Variants in POU5F1B observed in about 807,000 individuals in gnomAD.
The protein encoded by POU5F1B is POU domain, class 5, transcription factor 1B.
A neutral mutation model predicts 28.1 loss-of-function variants in POU5F1B; 24 were observed. That is an observed-to-expected ratio of 0.85 (90% confidence interval 0.62 to 1.20). POU5F1B has a LOEUF of 1.20. Among genes scored for constraint, POU5F1B ranks in the 50% most tolerant of loss-of-function variants. The probability of loss-of-function intolerance (pLI) is 0.00; values close to 1 mark genes in which losing one functional copy is unlikely to be tolerated. For missense variants in POU5F1B, 451 were observed against 451.5 expected, an observed-to-expected ratio of 1.00 and a Z score of 0.01; for synonymous variants, 220 against 193.2, an observed-to-expected ratio of 1.14 and a Z score of -1.15.
Position 127,414,375 on chromosome 8 carries a change from G to C in POU5F1B, c.-559-513G>C, listed in dbSNP as rs1296750776. 3.9e-5 allele frequency among the ~76,000 whole-genome samples: 6 copies of C among 152,170 alleles called. No individual in the cohort carries two copies. In the East Asian group the frequency reaches 1.2e-3, roughly 29 times the overall value. Reference sequence around the variant, plus strand: ...TGTGTGACTTTGGTGTTCTGACTCAGACACATATTTGAGAGGTAGAGAGGG... The same window carrying C: ...TGTGTGACTTTGGTGTTCTGACTCACACACATATTTGAGAGGTAGAGAGGG... On this transcript the variant is annotated intron_variant, in intron 1 of 2. Transcript: ENST00000465342.
At chr8:127,414,327 A>G (rs1174802251) in intron 1 of POU5F1B, among the ~76,000 whole-genome samples, 7 of 152,222 alleles carry the variant, frequency 4.6e-5, no homozygotes, top group Non-Finnish European at 7.3e-5. Flanking sequence ...GAATAGAATC[A>G]GGAATTGTTT....
exon 3 of POU5F1B, chr8:127,416,223 T>G: frequency 6.2e-7 from 1 of 1,613,792 alleles, no homozygotes; most frequent in East Asian, 2.2e-5. Context: ...CCGTCCCCCC[T>G]GGTGCCGTGA....
At position 127,415,896 on chromosome 8, in the gene POU5F1B, C is replaced by T. The variant is rs771875761; in HGVS notation, c.30C>T (p.Ala10=). 59 of 1,537,728 alleles carry T rather than the reference C, an allele frequency of 3.8e-5. No individual in the cohort carries two copies. The Middle Eastern group carries it at 5.6e-4, about 15-fold the overall frequency. Residue 10 remains alanine, a synonymous_variant, in exon 3 of 3, where the codon GCC becomes GCT. Coordinates refer to ENST00000465342, the Ensembl canonical transcript of POU5F1B. ...CGGGACACCTGGCTTCGGATTTCGCCTTCTCGCCCCCTCCAGGCGGTGGGG... is the reference window on the plus strand; with the variant it reads ...CGGGACACCTGGCTTCGGATTTCGCTTTCTCGCCCCCTCCAGGCGGTGGGG...
exon 3 of POU5F1B, chr8:127,415,946 C>T (rs796468582): frequency 9.6e-6 from 15 of 1,565,882 alleles, no homozygotes; most frequent in Middle Eastern, 1.9e-4. Flanking sequence ...GGGGCGGAGC[C>T]GGGCTGGGTT....
exon 3 of POU5F1B, chr8:127,416,611 T>C: frequency 3.1e-6 from 5 of 1,600,270 alleles, no homozygotes; most frequent in Non-Finnish European, 4.3e-6. Context: ...GGAGAATTTG[T>C]TCCTGCAGTG....
intron 1 of POU5F1B, among the ~76,000 whole-genome samples, chr8:127,413,821 G>A (rs1380926994): frequency 6.6e-6 from 1 of 150,730 alleles, no homozygotes; most frequent in Non-Finnish European, 1.5e-5. Flanking sequence ...CTAAGTAACT[G>A]GTCAAACACA....
At chr8:127,417,049 T>A (rs1411895323) in exon 3 of POU5F1B, 89 of 1,517,978 alleles carry the variant, frequency 5.9e-5, no homozygotes, top group Non-Finnish European at 7.8e-5. Flanking sequence ...CTTCATTCAC[T>A]AAGGAAGGAA....
chr8:127,414,153 A>G (rs1815098799), intron 1 of POU5F1B, among the ~76,000 whole-genome samples: 1 of 152,246 alleles, frequency 6.6e-6, no homozygotes, highest in Non-Finnish European at 1.5e-5. Flanking sequence ...AGAACGTCAA[A>G]TAAGCATGAG....
intron 1 of POU5F1B, among the ~76,000 whole-genome samples, chr8:127,414,392 T>C (rs943094544): frequency 6.6e-6 from 1 of 151,926 alleles, no homozygotes; most frequent in African/African-American, 2.4e-5. Context: ...ATTTGAGAGG[T>C]AGAGAGGGGA....
At chr8:127,416,307 G>T in exon 3 of POU5F1B, 7 of 1,613,722 alleles carry the variant, frequency 4.3e-6, no homozygotes, top group Non-Finnish European at 5.9e-6. Context: ...AAGAACTCGA[G>T]CAATTTGCCA....
exon 3 of POU5F1B, chr8:127,416,819 A>G (rs1223368331): frequency 2.5e-6 from 4 of 1,605,302 alleles, no homozygotes; most frequent in Middle Eastern, 1.7e-4. Flanking sequence ...CCAGGGCCCC[A>G]TTTTGGTACC....
chr8:127,416,955 C>T lies in POU5F1B; in HGVS notation c.*9C>T, dbSNP rs1382272774. The T allele has an allele frequency of 6.3e-7, 1 of 1,597,942 alleles. No individual in the cohort carries two copies. The highest frequency in any genetic ancestry group is 1.3e-5 in the African/African-American group (1 of 74,832). On this transcript the variant is annotated 3_prime_UTR_variant, in exon 3 of 3. Coordinates refer to ENST00000465342, the Ensembl canonical transcript of POU5F1B. Reference sequence around the variant, plus strand: ...CCATGCATTCAAACTGAGGTGCCTGCCCTTCTAGGAATGGGGAACAGGGGA... The same window carrying T: ...CCATGCATTCAAACTGAGGTGCCTGTCCTTCTAGGAATGGGGAACAGGGGA...
At position 127,416,012 on chromosome 8, in the gene POU5F1B, C is replaced by T. The variant is rs768862753; in HGVS notation, c.146C>T (p.Pro49Leu). 52 of 1,598,204 alleles carry T rather than the reference C, an allele frequency of 3.3e-5. No homozygotes were observed. In the East Asian group the frequency reaches 7.3e-4, roughly 22 times the overall value. The change falls in exon 3 of 3, where the codon CCG (proline) becomes CTG (leucine). Residue 49 changes from proline to leucine, a missense_variant. Pro to Leu is a moderately conservative substitution (Grantham distance 98, BLOSUM62 -3). Coordinates refer to ENST00000465342, the Ensembl canonical transcript of POU5F1B. ...CCTCCTGGAGGGCCAGGAATCGGGC[C>T]GGGGGTTGGGCCAGGCTCTGAGGTG...
chr8:127,417,208 AAAG>A, exon 3 of POU5F1B: 2 of 294,600 alleles, frequency 6.8e-6, no homozygotes, highest in Non-Finnish European at 1.1e-5. Context: ...AAAAAAAAAA[AAAG>A]AAAGAAAAGA....
At position 127,416,681 on chromosome 8, in the gene POU5F1B, T is replaced by C. The variant is rs1386083126; in HGVS notation, c.815T>C (p.Val272Ala). Residue 272 changes from valine to alanine, a missense_variant, in exon 3 of 3, where the codon GTG becomes GCG. This residue lies in a region of POU5F1B where 213 missense variants were observed against 220.4 expected (regional missense o/e 0.97). Transcript: ENST00000465342. Reference sequence around the variant, plus strand: ...CAGCAGCTTGGGCTCGAGAAGGATGTGGTCCGAGTGTGGTTCTGTAACCGG... The same window carrying C: ...CAGCAGCTTGGGCTCGAGAAGGATGCGGTCCGAGTGTGGTTCTGTAACCGG... 10 of 1,607,448 alleles carry C rather than the reference T, an allele frequency of 6.2e-6. No homozygotes were observed. The South Asian group carries it at 1.1e-4, about 18-fold the overall frequency.
exon 3 of POU5F1B, chr8:127,416,057 C>G (rs1179024822): frequency 6.2e-7 from 1 of 1,610,348 alleles, no homozygotes; most frequent in African/African-American, 1.3e-5. Context: ...CCCCCTTGCC[C>G]CCCGCCGTAT....
exon 3 of POU5F1B, chr8:127,416,278 G>A (rs946765201): frequency 1.2e-6 from 2 of 1,613,774 alleles, no homozygotes; most frequent in Non-Finnish European, 1.7e-6. Context: ...GAAGTCCCAG[G>A]ACATCAAAGC....
At chr8:127,414,234 T>A (rs1193881856) in intron 1 of POU5F1B, among the ~76,000 whole-genome samples, 1 of 152,232 alleles carries the variant, frequency 6.6e-6, no homozygotes, top group Non-Finnish European at 1.5e-5. Context: ...GGAATCTAAT[T>A]TCTGTAACAA....
exon 3 of POU5F1B, chr8:127,416,577 C>A: frequency 6.2e-7 from 1 of 1,605,168 alleles, no homozygotes; most frequent in Non-Finnish European, 8.5e-7. Flanking sequence ...GAACCAGTAT[C>A]GAGAACCGAG....
Sources: allele counts gnomAD v4.1 joint callset (sites outside exome capture counted in the v4.1 genomes callset), GRCh38; gene constraint gnomAD v4.1.1; regional missense constraint gnomAD v4.1.1; transcripts MANE v1.5; gene names NCBI Gene and HGNC (gene_info 2026-07-23, HGNC 2026-07-21).